The following B4GALT6 variants were observed in gnomAD, a reference collection of about 807,000 sequenced individuals.
B4GALT6 encodes UDP-Gal:beta-GlcNAc beta-1,4-galactosyltransferase 6.
In B4GALT6, 14 loss-of-function variants were observed where a neutral mutation model predicts 46.3. The observed-to-expected ratio is 0.30, with a 90% confidence interval of 0.20 to 0.47. The LOEUF is 0.47. B4GALT6 is among the 20% of genes least tolerant of loss of function. The probability of loss-of-function intolerance (pLI) is 0.99; values close to 1 mark genes in which losing one functional copy is unlikely to be tolerated. For missense variants in B4GALT6, 386 were observed against 480.1 expected (o/e 0.80, Z 1.83); for synonymous variants, 168 against 162.0 (o/e 1.04, Z -0.28).
rs932939897 is a variant in B4GALT6, at chr18:31,623,364, CTA to C, written c.*2248_*2249del. 9 of 152,266 alleles carry C rather than the reference CTA, an allele frequency of 5.9e-5. No homozygotes were observed. The highest frequency in any genetic ancestry group is 2.6e-4 in the Admixed American group (4 of 15,254). The allele number at this position is 152,266 out of a possible 1,614,324, so 9.4% of individuals were successfully genotyped here. On this transcript the variant is annotated 3_prime_UTR_variant, in exon 9 of 9. Transcript: ENST00000306851. Reference sequence around the variant, plus strand: ...GAGGTGGTTTTCACAGGATGACAAACTATATTTCAAAACTGAAAAAAAGCAAA... The same window carrying C: ...GAGGTGGTTTTCACAGGATGACAAACTATTTCAAAACTGAAAAAAAGCAAA...
chr18:31,631,427 G>A (rs2073789850), intron 5 of B4GALT6, among the ~76,000 whole-genome samples: 1 of 151,894 alleles, frequency 6.6e-6, no homozygotes. Context: ...AGACCCAAAT[G>A]AAATAGACAA....
At chr18:31,654,662 T>C (rs1177118255) in intron 3 of B4GALT6, among the ~76,000 whole-genome samples, 1 of 152,192 alleles carries the variant, frequency 6.6e-6, no homozygotes, top group Non-Finnish European at 1.5e-5. Context: ...AACAGAATAA[T>C]CAAATACACC....
In B4GALT6 at chr18:31,680,276, A is replaced by G. The variant is rs199530830; in HGVS notation, c.115+4036T>C. Among the ~76,000 whole-genome samples, 11 of 152,344 alleles carry G rather than the reference A, an allele frequency of 7.2e-5. No homozygotes were observed. The East Asian group carries it at 2.1e-3, about 29-fold the overall frequency. On this transcript the variant is annotated intron_variant, in intron 1 of 8. Transcript: ENST00000306851. ...AGGGCCAGGAGGCTAAAGGGCTATG[A>G]TAAGAAAGCTGCAGGGTTAACTAGC... is the stretch of plus-strand genomic sequence containing the variant.
chr18:31,631,605 C>T (rs1314331097), intron 5 of B4GALT6, among the ~76,000 whole-genome samples: 2 of 151,774 alleles, frequency 1.3e-5, no homozygotes, highest in Non-Finnish European at 2.9e-5. Flanking sequence ...ATATAGATTA[C>T]TTGTGGCGAG....
the B4GALT6 span, among the ~76,000 whole-genome samples, chr18:31,713,651 C>A: frequency 6.6e-6 from 1 of 152,184 alleles, no homozygotes; most frequent in African/African-American, 2.4e-5. Flanking sequence ...TAATTGATAT[C>A]TATCTCAGAC....
the B4GALT6 span, among the ~76,000 whole-genome samples, chr18:31,717,376 C>T: frequency 1.3e-5 from 2 of 152,168 alleles, no homozygotes; most frequent in African/African-American, 2.4e-5. Context: ...AAAAGAGGCA[C>T]AAGGGGAGTT....
the B4GALT6 span, among the ~76,000 whole-genome samples, chr18:31,691,640 A>G: frequency 1.3e-5 from 2 of 152,168 alleles, no homozygotes; most frequent in South Asian, 4.1e-4. Context: ...CATAAGGCTC[A>G]TAAGATTTTC....
chr18:31,707,886 G>T, the B4GALT6 span, among the ~76,000 whole-genome samples: 8 of 152,108 alleles, frequency 5.3e-5, no homozygotes, highest in Non-Finnish European at 1.2e-4. Flanking sequence ...TATATGTTAT[G>T]TGATATATAT....
chr18:31,691,531 C>T, the B4GALT6 span, among the ~76,000 whole-genome samples: 2 of 151,822 alleles, frequency 1.3e-5, no homozygotes, highest in Non-Finnish European at 2.9e-5. Context: ...CTGTAGCCAA[C>T]AGAAGCAATT....
intron 8 of B4GALT6, 68 bp from the exon 9 acceptor site, chr18:31,625,829 G>A: frequency 7.6e-7 from 1 of 1,313,168 alleles, no homozygotes; most frequent in Non-Finnish European, 1.0e-6. Flanking sequence ...GATAAGGACT[G>A]TGTTCAAGGT....
In B4GALT6 at chr18:31,666,343, G is replaced by A; in HGVS notation, c.145C>T (p.Arg49Ter). Residue 49 changes from arginine to a stop codon, truncating the protein, a stop_gained, in exon 2 of 9, where the codon CGA becomes TGA. Coordinates refer to ENST00000306851, the MANE Select transcript of B4GALT6 (RefSeq NM_004775.5). LOFTEE classifies it high-confidence loss of function. ...ANTYLFMVQARGIMLRENVKT... is the reference protein window; with the variant it reads ...ANTYLFMVQA ...ACATTTTCTCTCAACATTATACCTC[G>A]AGCTTGTACCATAAAGAGATATGTG... 4 of 1,606,026 alleles carry A rather than the reference G, an allele frequency of 2.5e-6. No homozygotes were observed. The highest frequency in any genetic ancestry group is 3.4e-6 in the Non-Finnish European group (4 of 1,175,152).
intron 3 of B4GALT6, among the ~76,000 whole-genome samples, chr18:31,655,318 C>A (rs975261360): frequency 2.0e-5 from 3 of 152,208 alleles, no homozygotes; most frequent in Non-Finnish European, 4.4e-5. Context: ...ACTAATTGGG[C>A]ACAAAATTGG....
chr18:31,698,435 GCC>G, the B4GALT6 span, among the ~76,000 whole-genome samples: 1 of 152,126 alleles, frequency 6.6e-6, no homozygotes, highest in African/African-American at 2.4e-5. Context: ...TTCAAGACCA[GCC>G]TGGACAGCAT....
At position 31,623,000 on chromosome 18, in the gene B4GALT6, A is replaced by G. The variant is rs547190829; in HGVS notation, c.*2614T>C. 2.0e-5 allele frequency: 3 copies of G among 152,222 alleles called. No homozygotes were observed. Among genetic ancestry groups the G allele is most frequent in the East Asian group, 1.9e-4 (1 of 5,192 alleles). 9.4% of individuals were successfully genotyped at this position (152,222 alleles called of 1,614,324 possible). The stretch of plus-strand genomic sequence containing the variant: ...ACTTTGAGACTAGGAAATACAACAG[A>G]TAAGTTATCAGAAGATGTCTTCATA... On this transcript the variant is annotated 3_prime_UTR_variant, in exon 9 of 9. Coordinates refer to ENST00000306851, the MANE Select transcript of B4GALT6 (RefSeq NM_004775.5).
At chr18:31,655,060 C>T (rs2074121032) in intron 3 of B4GALT6, among the ~76,000 whole-genome samples, 1 of 152,164 alleles carries the variant, frequency 6.6e-6, no homozygotes, top group South Asian at 2.1e-4. Flanking sequence ...GCACTGTGTG[C>T]TTCATTCTAT....
chr18:31,686,880 A>T (rs143927764), upstream of B4GALT6: 25 of 152,346 alleles, frequency 1.6e-4, no homozygotes, highest in African/African-American at 5.5e-4. Context: ...TAGTCAAAAG[A>T]GAGTTCCATA....
In B4GALT6 at chr18:31,684,491, C is replaced by T; in HGVS notation, c.-65G>A. 2 of 1,573,604 alleles carry T rather than the reference C, an allele frequency of 1.3e-6. No homozygotes were observed. Among genetic ancestry groups the T allele is most frequent in the East Asian group, 2.4e-5 (1 of 42,442 alleles). On this transcript the variant is annotated 5_prime_UTR_variant, in exon 1 of 9. Coordinates refer to ENST00000306851, the MANE Select transcript of B4GALT6 (RefSeq NM_004775.5). ...GCCGGACTCGGGGCCACTGTCCAGG[C>T]CCTAAACTTCCATAAATGTGCTGAG... is the stretch of plus-strand genomic sequence containing the variant.
chr18:31,632,770 A>G lies in B4GALT6; in HGVS notation c.589-1624T>C, dbSNP rs527500851. ...TTTCTTTTGCAAACTGGGAATAACT[A>G]CAGTTTTCTATATAACTATTATATT... On this transcript the variant is annotated intron_variant, in intron 5 of 8. Transcript: ENST00000306851. Among the ~76,000 whole-genome samples, 17 of 152,340 alleles carry G rather than the reference A, an allele frequency of 1.1e-4. 1 individual carries two copies. The East Asian group carries it at 2.3e-3, about 21-fold the overall frequency.
At chr18:31,632,047 A>T (rs2073797931) in intron 5 of B4GALT6, among the ~76,000 whole-genome samples, 1 of 152,168 alleles carries the variant, frequency 6.6e-6, no homozygotes, top group Non-Finnish European at 1.5e-5. Flanking sequence ...GCAATAAAAA[A>T]CCTTCATTCT....
Sources: gnomAD v4.1 joint callset for allele counts (sites outside exome capture counted in the v4.1 genomes callset) on GRCh38, gnomAD v4.1.1 for gene constraint, MANE v1.5 for transcripts, NCBI Gene and HGNC (gene_info 2026-07-23, HGNC 2026-07-21) for gene names.